The following ZFHX4 variants were observed in gnomAD, a reference collection of about 807,000 sequenced individuals.
ZFHX4 encodes zinc finger homeobox 4, also known as zinc finger homeobox protein 4.
A neutral mutation model predicts 267.6 loss-of-function variants in ZFHX4; 56 were observed. That is an observed-to-expected ratio of 0.21 (90% CI 0.17 to 0.26). ZFHX4 has a LOEUF of 0.26. ZFHX4 is among the 10% of genes least tolerant of loss of function. The pLI is 1.00. For synonymous variants in ZFHX4, 1,778 were observed against 1,665.6 expected (o/e 1.07, Z -1.64); for missense variants, 4,332 against 4,420.0 (o/e 0.98, Z 0.56).
chr8:76,802,346 C>T (rs1220775764), intron 4 of ZFHX4, among the ~76,000 whole-genome samples: 1 of 152,154 alleles, frequency 6.6e-6, no homozygotes, highest in East Asian at 1.9e-4. Context: ...GGAATACAAT[C>T]GTGTTTGGCT....
chr8:76,864,633 A>T lies in ZFHX4; in HGVS notation c.*68A>T. 1 of 1,227,462 alleles carries T rather than the reference A, an allele frequency of 8.1e-7. No homozygotes were observed. 76.0% of individuals were successfully genotyped at this position (1,227,462 alleles called of 1,614,324 possible). Reference sequence around the variant, plus strand: ...AAAATAAAAAAAAAATAAGACTTTAACTGCAGTTCCAAAGCTTCTCTAACC... The same window carrying T: ...AAAATAAAAAAAAAATAAGACTTTATCTGCAGTTCCAAAGCTTCTCTAACC... On this transcript the variant is annotated 3_prime_UTR_variant, in exon 11 of 11. Transcript: ENST00000651372.
chr8:76,769,053 G>T (rs1028444277), intron 3 of ZFHX4, among the ~76,000 whole-genome samples: 1 of 151,946 alleles, frequency 6.6e-6, no homozygotes, highest in Admixed American at 6.6e-5. Context: ...AGCTATGATT[G>T]TGCCACTGCA....
chr8:76,847,443 C>T (rs62516855), intron 6 of ZFHX4, among the ~76,000 whole-genome samples: 10,683 of 151,758 alleles, frequency 0.07, 522 homozygotes, highest in Non-Finnish European at 0.11. Flanking sequence ...TAAATTTCTC[C>T]GACACATATA....
intron 3 of ZFHX4, among the ~76,000 whole-genome samples, chr8:76,736,335 A>G (rs1445963094): frequency 2.2e-4 from 34 of 152,044 alleles, no homozygotes; most frequent in Admixed American, 2.2e-3. Flanking sequence ...AGTAAATTGA[A>G]TTTTTATTAA....
chr8:76,856,115 A>T lies in ZFHX4; in HGVS notation c.9194A>T (p.Asp3065Val). ...CAGCTGATGGCACAGCAAGAACTTG[A>T]TCGTATAAAGAAAGCTTCAGACGTG... ...VRQLMAQQEL[D>V]RIKKASDVLG... Residue 3065 changes from aspartate to valine, a missense_variant, in exon 10 of 11, where the codon GAT becomes GTT. By Grantham distance (152) the Asp-to-Val change is radical. Around this residue, in one of 7 missense-constraint regions of ZFHX4, gnomAD observed 1,648 missense variants for 1,625.0 expected, o/e 1.01. Transcript: ENST00000651372. The T allele has an allele frequency of 1.2e-6, 2 of 1,613,936 alleles. No homozygotes were observed. The highest frequency in any genetic ancestry group is 1.7e-6 in the Non-Finnish European group (2 of 1,179,854).
intron 4 of ZFHX4, among the ~76,000 whole-genome samples, chr8:76,791,566 G>T (rs1810837010): frequency 6.6e-6 from 1 of 152,098 alleles, no homozygotes; most frequent in African/African-American, 2.4e-5. Context: ...AAAATGTTGA[G>T]AAATTTCATT....
chr8:76,698,680 A>C (rs1808020530), intron 1 of ZFHX4, among the ~76,000 whole-genome samples: 1 of 152,130 alleles, frequency 6.6e-6, no homozygotes, highest in Non-Finnish European at 1.5e-5. Flanking sequence ...GATTTTAATG[A>C]GAAAAATGAG....
intron 10 of ZFHX4, among the ~76,000 whole-genome samples, chr8:76,858,876 T>C (rs1812798428): frequency 6.6e-6 from 1 of 152,218 alleles, no homozygotes; most frequent in Admixed American, 6.5e-5. Context: ...AAGTTCCCCT[T>C]GGCTCCTTTT....
At chr8:76,730,140 A>G (rs1258021003) in intron 3 of ZFHX4, among the ~76,000 whole-genome samples, 1 of 152,178 alleles carries the variant, frequency 6.6e-6, no homozygotes, top group Non-Finnish European at 1.5e-5. Flanking sequence ...AGAAGGACAA[A>G]GGAGACCTTG....
Position 76,850,304 on chromosome 8 carries a change from G to C in ZFHX4, c.3906G>C (p.Glu1302Asp). The change falls in exon 9 of 11, where the codon GAG (glutamate) becomes GAC (aspartate). Residue 1302 changes from glutamate (E) to aspartate (D), a missense_variant. This residue lies in a region of ZFHX4 where 1,371 missense variants were observed against 1,423.1 expected (regional missense o/e 0.96). Coordinates refer to ENST00000651372, the MANE Select transcript of ZFHX4 (RefSeq NM_024721.5). The part of the protein sequence containing the change: ...NSMLLPAAAS[E>D]KSERDTPAAV... ...TGCTACTGCCAGCAGCTGCCTCTGAGAAATCAGAGCGGGACACACCTGCAG... is the reference window on the plus strand; with the variant it reads ...TGCTACTGCCAGCAGCTGCCTCTGACAAATCAGAGCGGGACACACCTGCAG... 6.2e-7 allele frequency: 1 copy of C among 1,613,340 alleles called. No individual in the cohort carries two copies. Among genetic ancestry groups the C allele is most frequent in the Non-Finnish European group, 8.5e-7 (1 of 1,179,682 alleles).
rs554824727 is a variant in ZFHX4, at chr8:76,739,229, G to C, written c.3093+31181G>C. Among the ~76,000 whole-genome samples, 145 of 152,228 alleles carry C rather than the reference G, an allele frequency of 9.5e-4. 5 individuals are homozygous for C. The South Asian group carries it at 0.028, about 30-fold the overall frequency. On this transcript the variant is annotated intron_variant, in intron 3 of 10. Transcript: ENST00000651372. Reference sequence around the variant, plus strand: ...AACTGTTATGTTACATTTGATTGTGGTTCCTTTTTTTAAAAGTCCATGTTC... The same window carrying C: ...AACTGTTATGTTACATTTGATTGTGCTTCCTTTTTTTAAAAGTCCATGTTC...
intron 3 of ZFHX4, among the ~76,000 whole-genome samples, chr8:76,734,086 T>C (rs747166120): frequency 4.6e-5 from 7 of 152,208 alleles, no homozygotes; most frequent in Non-Finnish European, 1.0e-4. Context: ...GAGTACTTAG[T>C]TATCCCAGTG....
chr8:76,751,775 AG>A (rs767137148), intron 3 of ZFHX4, among the ~76,000 whole-genome samples: 7 of 152,180 alleles, frequency 4.6e-5, no homozygotes, highest in Non-Finnish European at 8.8e-5. Context: ...TGGAAAAGAA[AG>A]TACACAATTT....
intron 3 of ZFHX4, among the ~76,000 whole-genome samples, chr8:76,770,907 C>T (rs1395575399): frequency 3.3e-5 from 5 of 152,038 alleles, no homozygotes; most frequent in African/African-American, 1.2e-4. Context: ...GATGAATGAA[C>T]TAAAGTTAGA....
chr8:76,799,502 A>G (rs893793509), intron 4 of ZFHX4, among the ~76,000 whole-genome samples: 1 of 152,188 alleles, frequency 6.6e-6, no homozygotes, highest in African/African-American at 2.4e-5. Flanking sequence ...AATCAGACCT[A>G]TTGATGGAGA....
chr8:76,706,379 A>C lies in ZFHX4; in HGVS notation c.2291A>C (p.Lys764Thr). The C allele has an allele frequency of 3.1e-6, 5 of 1,614,086 alleles. No homozygotes were observed. Among genetic ancestry groups the C allele is most frequent in the Non-Finnish European group, 4.2e-6 (5 of 1,179,974 alleles). ...GTPSPSKPKQ[K>T]PTWRCEVCDY... ...CCCTCTCCGTCCAAACCCAAACAGA[A>C]ACCCACCTGGCGGTGTGAAGTTTGT... Residue 764 changes from lysine to threonine, a missense_variant, in exon 2 of 11, where the codon AAA (lysine) becomes ACA (threonine). Coordinates refer to ENST00000651372, the MANE Select transcript of ZFHX4 (RefSeq NM_024721.5).
In ZFHX4 at chr8:76,852,682, G is replaced by A. The variant is rs748741568; in HGVS notation, c.5761G>A (p.Val1921Ile). The change falls in exon 10 of 11, where the codon GTC becomes ATC. Residue 1921 changes from valine to isoleucine, a missense_variant. Coordinates refer to ENST00000651372, the MANE Select transcript of ZFHX4 (RefSeq NM_024721.5). Reference protein sequence around the residue: ...ALLENFGFELVIQYNENRQKV... With the variant: ...ALLENFGFELIIQYNENRQKV... The stretch of plus-strand genomic sequence containing the variant: ...ATTGGAAAACTTTGGTTTTGAACTG[G>A]TCATTCAGTATAACGAAAACAGGCA... 6.2e-7 allele frequency: 1 copy of A among 1,613,856 alleles called. No individual in the cohort carries two copies. Among genetic ancestry groups the A allele is most frequent in the Admixed American group, 1.7e-5 (1 of 60,010 alleles).
At chr8:76,805,806 T>C (rs577583493) in intron 4 of ZFHX4, among the ~76,000 whole-genome samples, 1 of 152,080 alleles carries the variant, frequency 6.6e-6, no homozygotes, top group East Asian at 1.9e-4. Context: ...ATGATTTGGG[T>C]AAAGTGATAT....
intron 3 of ZFHX4, among the ~76,000 whole-genome samples, chr8:76,759,813 C>A (rs1213192689): frequency 1.3e-5 from 2 of 152,052 alleles, no homozygotes; most frequent in African/African-American, 4.8e-5. Context: ...ATTTATACAT[C>A]ATATCCTTGG....
Sources: allele counts gnomAD v4.1 joint callset (sites outside exome capture counted in the v4.1 genomes callset), GRCh38; gene constraint gnomAD v4.1.1; regional missense constraint gnomAD v4.1.1; transcripts MANE v1.5; gene names NCBI Gene and HGNC (gene_info 2026-07-23, HGNC 2026-07-21).